Variants in NTNG2 observed in about 807,000 individuals in gnomAD.
NTNG2 encodes netrin G2, also known as netrin-G2.
A neutral mutation model predicts 47.6 loss-of-function variants in NTNG2; 15 were observed. The ratio of observed to expected loss-of-function variants is 0.32; its 90% CI spans 0.21 to 0.49. The LOEUF is 0.49. Among genes scored for constraint, NTNG2 ranks in the 20% least tolerant of loss-of-function variants. The probability of loss-of-function intolerance (pLI) is 0.99; values close to 1 mark genes in which losing one functional copy is unlikely to be tolerated. For synonymous variants in NTNG2, 307 were observed against 324.6 expected (o/e 0.95, Z 0.58); for missense variants, 578 against 764.6 (o/e 0.76, Z 2.88).
Position 132,173,839 on chromosome 9 carries a change from C to A in NTNG2, c.213+6795C>A, listed in dbSNP as rs562437346. ...CAGACAGGCAGGCCACACCATGCTG[C>A]GGATGAGATGGATGGATGGACAGAC... is the stretch of plus-strand genomic sequence containing the variant. On this transcript the variant is annotated intron_variant, in intron 2 of 7. Coordinates refer to ENST00000393229, the MANE Select transcript of NTNG2 (RefSeq NM_032536.4). Among the ~76,000 whole-genome samples, 12 of 129,690 alleles carry A rather than the reference C, an allele frequency of 9.3e-5. No individual in the cohort carries two copies. In the East Asian group the frequency reaches 2.7e-3, roughly 29 times the overall value. The allele number at this position is 129,690 out of a possible 152,430, so 85.1% of individuals were successfully genotyped here.
chr9:132,214,926 CAGTGCAGTGGCACAATCACGGCT>C, intron 3 of NTNG2, among the ~76,000 whole-genome samples: 1 of 151,930 alleles, frequency 6.6e-6, no homozygotes, highest in East Asian at 1.9e-4. Flanking sequence ...GGCTGAAGGG[CAGTGCAGTGGCACAATCACGGCT>C]CACTGCAGCC....
intron 2 of NTNG2, among the ~76,000 whole-genome samples, chr9:132,183,001 T>C (rs1002359491): frequency 2.6e-5 from 4 of 152,134 alleles, no homozygotes; most frequent in African/African-American, 9.7e-5. Context: ...GAAGCACCGA[T>C]TGAAACCTCT....
intron 2 of NTNG2, among the ~76,000 whole-genome samples, chr9:132,191,851 G>A (rs1045632974): frequency 3.3e-5 from 5 of 152,322 alleles, no homozygotes; most frequent in African/African-American, 7.2e-5. Context: ...GATTACGGGC[G>A]TGAGCCACCG....
intron 2 of NTNG2, among the ~76,000 whole-genome samples, chr9:132,191,242 A>G (rs1837864704): frequency 6.6e-6 from 1 of 152,170 alleles, no homozygotes; most frequent in Non-Finnish European, 1.5e-5. Context: ...ATGAAGTTCC[A>G]GGGTTTCTCA....
intron 2 of NTNG2, among the ~76,000 whole-genome samples, chr9:132,174,854 G>A (rs551738626): frequency 6.6e-6 from 1 of 151,940 alleles, no homozygotes; most frequent in Admixed American, 6.5e-5. Context: ...CCTGGGAGGT[G>A]GGGTTTGTAG....
At chr9:132,202,257 G>C (rs1451980507) in intron 3 of NTNG2, among the ~76,000 whole-genome samples, 3 of 152,212 alleles carry the variant, frequency 2.0e-5, no homozygotes, top group Non-Finnish European at 4.4e-5. Context: ...ATGTAGGCAG[G>C]AGGGGGAGGA....
chr9:132,168,002 G>A (rs1474828704), intron 2 of NTNG2, among the ~76,000 whole-genome samples: 1 of 152,230 alleles, frequency 6.6e-6, no homozygotes, highest in Admixed American at 6.5e-5. Context: ...TGAGGAGTTT[G>A]TGGTTTAATT....
intron 2 of NTNG2, among the ~76,000 whole-genome samples, chr9:132,170,638 G>A (rs975852025): frequency 6.6e-5 from 10 of 152,202 alleles, no homozygotes; most frequent in African/African-American, 2.2e-4. Flanking sequence ...GAGAGGAAGG[G>A]GGAAACCCTT....
chr9:132,188,196 C>T (rs1257983510), intron 2 of NTNG2, among the ~76,000 whole-genome samples: 1 of 152,262 alleles, frequency 6.6e-6, no homozygotes, highest in Admixed American at 6.5e-5. Flanking sequence ...TGGGCACCCA[C>T]ACCCAGGGCC....
chr9:132,170,601 C>T (rs1835842867), intron 2 of NTNG2, among the ~76,000 whole-genome samples: 2 of 152,198 alleles, frequency 1.3e-5, no homozygotes, highest in African/African-American at 4.8e-5. Flanking sequence ...CAAGACACGT[C>T]TCCCGCCAGC....
At chr9:132,189,945 A>G (rs1837738771) in intron 2 of NTNG2, among the ~76,000 whole-genome samples, 1 of 144,718 alleles carries the variant, frequency 6.9e-6, no homozygotes, top group African/African-American at 2.5e-5. Context: ...AACTGTGCCC[A>G]GCCTAAAATA....
At position 132,188,123 on chromosome 9, in the gene NTNG2, G is replaced by A. The variant is rs781736031; in HGVS notation, c.214-9843G>A. 3.3e-5 allele frequency among the ~76,000 whole-genome samples: 5 copies of A among 152,324 alleles called. No homozygotes were observed. The East Asian group carries it at 5.8e-4, about 18-fold the overall frequency. ...CCAAGGAGGAGGGTGGGGCTAGCTC[G>A]GCTGCCTTTCCTTGCCTTCCCCCAC... On this transcript the variant is annotated intron_variant, in intron 2 of 7. Transcript: ENST00000393229.
In NTNG2 at chr9:132,162,616, G is replaced by A. The variant is rs1322903937; in HGVS notation, c.-484+377G>A. On this transcript the variant is annotated intron_variant, in intron 1 of 7. Transcript: ENST00000393229. The surrounding 1 kb of genome is among the most constrained non-coding windows in gnomAD (Gnocchi z 4.6). ...TGTGTGTGTGTGTGTGTGTGTGTGT[G>A]TCGGGGAGGGATGTTGCAAGGATGC... Among the ~76,000 whole-genome samples the A allele has an allele frequency of 7.3e-6, 1 of 136,898 alleles. No homozygotes were observed. The highest frequency in any genetic ancestry group is 2.7e-5 in the African/African-American group (1 of 36,420). The allele number at this position is 136,898 out of a possible 152,430, so 89.8% of individuals were successfully genotyped here.
At position 132,239,178 on chromosome 9, in the gene NTNG2, A is replaced by G; in HGVS notation, c.1129A>G (p.Lys377Glu). The change falls in exon 6 of 8, where the codon AAG becomes GAG. Residue 377 changes from lysine to glutamate, a missense_variant. Physicochemically the swap from Lys to Glu is moderately conservative, Grantham distance 56. Transcript: ENST00000393229. ...FLNVVTCVSC[K>E]HNTRGQHCQH... ...GAATGTGGTGACCTGCGTCAGCTGC[A>G]AGCACAACACGCGAGGTCAGCACTG... The G allele has an allele frequency of 1.2e-6, 2 of 1,613,962 alleles. No homozygotes were observed. Among genetic ancestry groups the G allele is most frequent in the Non-Finnish European group, 1.7e-6 (2 of 1,180,012 alleles).
At position 132,196,508 on chromosome 9, in the gene NTNG2, G is replaced by C. The variant is rs1424796745; in HGVS notation, c.214-1458G>C. Among the ~76,000 whole-genome samples, 4 of 152,098 alleles carry C rather than the reference G, an allele frequency of 2.6e-5. No individual in the cohort carries two copies. In the South Asian group the frequency reaches 8.3e-4, roughly 31 times the overall value. ...CGCCCAGCCTGGGTCTATGGGTTTT[G>C]ACTCATTCATAATGGCATGCATCCA... is the stretch of plus-strand genomic sequence containing the variant. On this transcript the variant is annotated intron_variant, in intron 2 of 7. Transcript: ENST00000393229.
intron 2 of NTNG2, among the ~76,000 whole-genome samples, chr9:132,194,966 G>A (rs2130696141): frequency 6.6e-6 from 1 of 152,384 alleles, no homozygotes; most frequent in Admixed American, 6.5e-5. Flanking sequence ...TCATTTGAGA[G>A]TGAGAGGTTT....
chr9:132,209,301 A>G (rs1839407566), intron 3 of NTNG2, among the ~76,000 whole-genome samples: 1 of 152,112 alleles, frequency 6.6e-6, no homozygotes, highest in Non-Finnish European at 1.5e-5. Context: ...CCTGACTTCT[A>G]TTTTGGACCT....
chr9:132,204,227 C>A (rs1279236451), intron 3 of NTNG2, among the ~76,000 whole-genome samples: 1 of 152,170 alleles, frequency 6.6e-6, no homozygotes, highest in South Asian at 2.1e-4. Context: ...ACTGGCCAAG[C>A]CCGGCTCCTG....
chr9:132,212,336 G>A (rs951534821), intron 3 of NTNG2, among the ~76,000 whole-genome samples: 2 of 152,300 alleles, frequency 1.3e-5, no homozygotes, highest in East Asian at 3.9e-4. Flanking sequence ...GCACCCGCCC[G>A]TCAGCCTCTG....
Sources: gnomAD v4.1 joint callset for allele counts (sites outside exome capture counted in the v4.1 genomes callset) on GRCh38, gnomAD v4.1.1 for gene constraint, Gnocchi (gnomAD v3.1) non-coding constraint, MANE v1.5 for transcripts, NCBI Gene and HGNC (gene_info 2026-07-23, HGNC 2026-07-21) for gene names.